The following RNMT variants were observed in gnomAD, a reference collection of about 807,000 sequenced individuals.
RNMT encodes the protein RNA guanine-7 methyltransferase.
In RNMT, 27 loss-of-function variants were observed where a neutral mutation model predicts 56.0. That is an observed-to-expected ratio of 0.48 (90% CI 0.36 to 0.67). RNMT has a LOEUF of 0.67. RNMT is among the 30% of genes least tolerant of loss of function. The pLI, the probability that RNMT is intolerant of heterozygous loss-of-function variation, is 0.00. For missense variants in RNMT, 519 were observed against 552.1 expected (o/e 0.94, Z 0.60); for synonymous variants, 184 against 176.2 (o/e 1.04, Z -0.35).
At chr18:13,734,665 T>C in intron 4 of RNMT, 66 bp downstream of exon 4, 1 of 1,371,926 alleles carries the variant, frequency 7.3e-7, no homozygotes, top group Non-Finnish European at 9.8e-7. Flanking sequence ...ACCTTGACTT[T>C]ATAAAGCTAG....
At position 13,762,866 on chromosome 18, in the gene RNMT, T is replaced by G. The variant is rs745631413; in HGVS notation, c.*2887T>G. The G allele has an allele frequency of 4.0e-4, 124 of 309,210 alleles. No individual in the cohort carries two copies. In the Middle Eastern group the frequency reaches 8.5e-3, roughly 21 times the overall value. 19.2% of individuals were successfully genotyped at this position (309,210 alleles called of 1,614,324 possible). ...AAGTACTCTTCAAGTATCTTTGTAATGAAGGTTTGGCTACTTGTATAGGTC... is the reference window on the plus strand; with the variant it reads ...AAGTACTCTTCAAGTATCTTTGTAAGGAAGGTTTGGCTACTTGTATAGGTC... On this transcript the variant is annotated 3_prime_UTR_variant, in exon 12 of 12. Transcript: ENST00000383314.
At chr18:13,750,085 T>C (rs1241645519) in intron 9 of RNMT, among the ~76,000 whole-genome samples, 1 of 152,100 alleles carries the variant, frequency 6.6e-6, no homozygotes, top group Non-Finnish European at 1.5e-5. Context: ...AAAGGCAAAA[T>C]GCAGATACTA....
intron 6 of RNMT, 28 bp downstream of exon 6, chr18:13,740,307 T>G (rs769105176): frequency 2.9e-5 from 34 of 1,165,532 alleles, no homozygotes; most frequent in Middle Eastern, 1.9e-4. Context: ...GGTCAATTTA[T>G]TTTTTACATT....
rs1037758844 is a variant in RNMT, at chr18:13,731,383, G to A, written c.-42-93G>A. 23 of 617,302 alleles carry A rather than the reference G, an allele frequency of 3.7e-5. No homozygotes were observed. In the Admixed American group the frequency reaches 3.9e-4, roughly 10 times the overall value. 38.2% of individuals were successfully genotyped at this position (617,302 alleles called of 1,614,324 possible). A position where few individuals can be genotyped will look rare whatever the true frequency, so the allele number is the denominator to read the frequency against. On this transcript the variant is annotated intron_variant, in intron 2 of 11. Coordinates refer to ENST00000383314, the MANE Select transcript of RNMT (RefSeq NM_003799.3). ...AGATCATGCCATTGCACTCCAGCCT[G>A]GGCGACAAGAGTGAAACTCCGTCTC... is the stretch of plus-strand genomic sequence containing the variant.
Position 13,742,651 on chromosome 18 carries a change from G to A in RNMT, c.1138G>A (p.Glu380Lys). 6.2e-7 allele frequency: 1 copy of A among 1,607,982 alleles called. No individual in the cohort carries two copies. The highest frequency in any genetic ancestry group is 8.5e-7 in the Non-Finnish European group (1 of 1,176,880). Residue 380 changes from glutamate (E) to lysine (K), a missense_variant and splice_region_variant, in exon 8 of 12, where the codon GAA (glutamate) becomes AAA (lysine). By Grantham distance (56) the Glu-to-Lys change is moderately conservative. Coordinates refer to ENST00000383314, the MANE Select transcript of RNMT (RefSeq NM_003799.3). ...CTTGGTCTATTTTCCATTGCTAAAT[G>A]AGTAAGAAGTCATTAATCTGTTCAC... ...EFLVYFPLLNEMAKKYNMKLV... is the reference protein window; with the variant it reads ...EFLVYFPLLNKMAKKYNMKLV...
rs375209857 is a variant in RNMT at position 13,736,994 on chromosome 18, G to A, written c.554-16G>A. ...GAAGAAGAGGTAGTTTATTGTGACTGATTTCTCTCTTTTAGGAGAATTTTT... is the reference window on the plus strand; with the variant it reads ...GAAGAAGAGGTAGTTTATTGTGACTAATTTCTCTCTTTTAGGAGAATTTTT... On this transcript the variant is annotated splice_polypyrimidine_tract_variant and intron_variant, in intron 4 of 11. Transcript: ENST00000383314. 26 of 1,608,670 alleles carry A rather than the reference G, an allele frequency of 1.6e-5. No homozygotes were observed. Among genetic ancestry groups the A allele is most frequent in the African/African-American group, 2.7e-5 (2 of 74,638 alleles).
At chr18:13,757,141 T>G (rs956852298) in intron 11 of RNMT, among the ~76,000 whole-genome samples, 2 of 150,994 alleles carry the variant, frequency 1.3e-5, no homozygotes, top group African/African-American at 5.0e-5. Context: ...AATTTAAAAA[T>G]ACTTCATTGG....
chr18:13,761,064 T>C lies in RNMT; in HGVS notation c.*1085T>C. The C allele has an allele frequency of 2.0e-6, 2 of 985,308 alleles. No individual in the cohort carries two copies. Among genetic ancestry groups the C allele is most frequent in the South Asian group, 9.4e-5 (2 of 21,272 alleles). The allele number at this position is 985,308 out of a possible 1,614,324, so 61.0% of individuals were successfully genotyped here. ...GAAGCAGAGCAATTGAGTATTCTTT[T>C]TTAAATTATTAAGCCATGATTTACA... On this transcript the variant is annotated 3_prime_UTR_variant, in exon 12 of 12. Transcript: ENST00000383314.
In RNMT at chr18:13,760,857, A is replaced by G. The variant is rs2044610249; in HGVS notation, c.*878A>G. The G allele has an allele frequency of 1.0e-6, 1 of 985,304 alleles. No homozygotes were observed. The highest frequency in any genetic ancestry group is 1.2e-6 in the Non-Finnish European group (1 of 829,932). 61.0% of individuals were successfully genotyped at this position (985,304 alleles called of 1,614,324 possible). ...TGTACCCACTTCAGAAATAAGCAAT[A>G]CTTGTTCCTCTGTTACAACCTCAGC... On this transcript the variant is annotated 3_prime_UTR_variant, in exon 12 of 12. Transcript: ENST00000383314.
At chr18:13,753,038 TATA>T (rs2044477970) in intron 10 of RNMT, among the ~76,000 whole-genome samples, 1 of 152,256 alleles carries the variant, frequency 6.6e-6, no homozygotes. Context: ...GCTACATAAA[TATA>T]ATTTATTTCC....
In RNMT at chr18:13,736,791, A is replaced by G. The variant is rs966688742; in HGVS notation, c.554-219A>G. Among the ~76,000 whole-genome samples the G allele has an allele frequency of 2.6e-5, 4 of 152,198 alleles. No individual in the cohort carries two copies. In the East Asian group the frequency reaches 5.8e-4, roughly 22 times the overall value. On this transcript the variant is annotated intron_variant, in intron 4 of 11. Transcript: ENST00000383314. ...ATTCAAAATGCTGCCTTTATTTTCC[A>G]AAACACCAGACACGTACTCTTTAAT...
At position 13,760,184 on chromosome 18, in the gene RNMT, T is replaced by C. The variant is rs1242342148; in HGVS notation, c.*205T>C. Reference sequence around the variant, plus strand: ...GTGTATATAAGAATGAGTTGGGACCTCTGTCTTTAAAAATCTATTTTTAGG... The same window carrying C: ...GTGTATATAAGAATGAGTTGGGACCCCTGTCTTTAAAAATCTATTTTTAGG... On this transcript the variant is annotated 3_prime_UTR_variant, in exon 12 of 12. Coordinates refer to ENST00000383314, the MANE Select transcript of RNMT (RefSeq NM_003799.3). The C allele has an allele frequency of 4.7e-6, 6 of 1,266,200 alleles. No individual in the cohort carries two copies. The highest frequency in any genetic ancestry group is 6.0e-6 in the Non-Finnish European group (6 of 1,005,640). 78.4% of individuals were successfully genotyped at this position (1,266,200 alleles called of 1,614,324 possible).
chr18:13,752,051 A>G (rs1289319086), intron 9 of RNMT, among the ~76,000 whole-genome samples: 2 of 152,142 alleles, frequency 1.3e-5, no homozygotes, highest in African/African-American at 2.4e-5. Context: ...GCAAACCAAC[A>G]TGGCACATGT....
chr18:13,744,103 A>AAC (rs1259435069), intron 8 of RNMT, among the ~76,000 whole-genome samples: 2 of 151,182 alleles, frequency 1.3e-5, no homozygotes, highest in African/African-American at 2.4e-5. Flanking sequence ...AGTATAATCA[A>AAC]AAAGATAATA....
chr18:13,746,243 A>C lies in RNMT; in HGVS notation c.1163A>C (p.Lys388Thr). Residue 388 changes from lysine (K) to threonine (T), a missense_variant, in exon 9 of 12, where the codon AAA becomes ACA. By Grantham distance (78) the Lys-to-Thr change is moderately conservative. Coordinates refer to ENST00000383314, the MANE Select transcript of RNMT (RefSeq NM_003799.3). ...AGAATGGCAAAGAAGTACAATATGA[A>C]ACTAGTCTACAAAAAAACATTTCTG... ...LNEMAKKYNMKLVYKKTFLEF... is the reference protein window; with the variant it reads ...LNEMAKKYNMTLVYKKTFLEF... The C allele has an allele frequency of 6.5e-7, 1 of 1,529,798 alleles. No homozygotes were observed. The highest frequency in any genetic ancestry group is 1.2e-5 in the South Asian group (1 of 86,648). 94.8% of individuals were successfully genotyped at this position (1,529,798 alleles called of 1,614,324 possible). A position where few individuals can be genotyped will look rare whatever the true frequency, so the allele number is the denominator to read the frequency against.
At position 13,759,933 on chromosome 18, in the gene RNMT, C is replaced by T. The variant is rs1260418990; in HGVS notation, c.1394-9C>T. 6.2e-7 allele frequency: 1 copy of T among 1,603,700 alleles called. No homozygotes were observed. Among genetic ancestry groups the T allele is most frequent in the African/African-American group, 1.3e-5 (1 of 74,800 alleles). On this transcript the variant is annotated splice_polypyrimidine_tract_variant and intron_variant, in intron 11 of 11. Coordinates refer to ENST00000383314, the MANE Select transcript of RNMT (RefSeq NM_003799.3). ...TGAGAAACTGAACTCTTATTTATTT[C>T]TTCTTTAGGTATTTACTTGGTGTTT...
chr18:13,750,787 C>G (rs1030877407), intron 9 of RNMT, among the ~76,000 whole-genome samples: 14 of 151,278 alleles, frequency 9.3e-5, no homozygotes, highest in African/African-American at 3.4e-4. Flanking sequence ...GGAGACAGAG[C>G]AAGACTCTGT....
chr18:13,760,285 A>T lies in RNMT; in HGVS notation c.*306A>T, dbSNP rs987811832. The T allele has an allele frequency of 1.8e-6, 2 of 1,088,434 alleles. No homozygotes were observed. 67.4% of individuals were successfully genotyped at this position (1,088,434 alleles called of 1,614,324 possible). ...TAATATGACTTGATAAAGCAACTAA[A>T]CTCTTTCCACAGTGTTCAGATTTGT... On this transcript the variant is annotated 3_prime_UTR_variant, in exon 12 of 12. Transcript: ENST00000383314.
intron 9 of RNMT, among the ~76,000 whole-genome samples, chr18:13,752,018 T>A (rs1317290322): frequency 6.6e-6 from 1 of 152,070 alleles, no homozygotes; most frequent in African/African-American, 2.4e-5. Context: ...ATACCTAATG[T>A]AAATGATGAG....
Sources: allele counts gnomAD v4.1 joint callset (sites outside exome capture counted in the v4.1 genomes callset), GRCh38; gene constraint gnomAD v4.1.1; transcripts MANE v1.5; gene names NCBI Gene and HGNC (gene_info 2026-07-23, HGNC 2026-07-21).